Variants in COPE observed in about 807,000 individuals in gnomAD.
The protein encoded by COPE is coat protein complex I subunit epsilon.
In COPE, 19 loss-of-function variants were observed where a neutral mutation model predicts 42.1. The observed-to-expected ratio is 0.45, with a 90% CI of 0.31 to 0.66. The LOEUF (loss-of-function observed/expected upper bound fraction) is 0.66. Ranked by LOEUF, COPE falls within the 30% of genes least tolerant of loss-of-function variation. The pLI is 0.05. For missense variants in COPE, 402 were observed against 416.1 expected (o/e 0.97, Z 0.30); for synonymous variants, 195 against 181.3 (o/e 1.08, Z -0.60).
In COPE at chr19:18,907,087, G is replaced by C. The variant is rs373983247; in HGVS notation, c.316C>G (p.Arg106Gly). ...ACGTCCACGCTCCTGCTCATCTCTC[G>C]GTCCAGCTCGGCCACGATGCTGTCC... ...RRDSIVAELD[R>G]EMSRSVDVTN... Residue 106 changes from arginine (R) to glycine (G), a missense_variant, in exon 4 of 10, where the codon CGA becomes GGA. Arg to Gly is a moderately radical substitution (Grantham distance 125). Coordinates refer to ENST00000262812, the MANE Select transcript of COPE (RefSeq NM_007263.4). 2 of 1,611,852 alleles carry C rather than the reference G, an allele frequency of 1.2e-6. No homozygotes were observed. Among genetic ancestry groups the C allele is most frequent in the Non-Finnish European group, 1.7e-6 (2 of 1,179,532 alleles).
chr19:18,899,521 G>A lies in COPE; in HGVS notation c.*158C>T, dbSNP rs1422279313. 5.8e-6 allele frequency: 4 copies of A among 690,174 alleles called. No individual in the cohort carries two copies. Among genetic ancestry groups the A allele is most frequent in the Non-Finnish European group, 7.4e-6 (3 of 403,460 alleles). 42.8% of individuals were successfully genotyped at this position (690,174 alleles called of 1,614,324 possible). A position where few individuals can be genotyped will look rare whatever the true frequency, so the allele number is the denominator to read the frequency against. ...AGTGACCAGAGCACATCATCAGGTG[G>A]AACACCCTGGAGTTGAGATATTTAT... is the stretch of plus-strand genomic sequence containing the variant. On this transcript the variant is annotated 3_prime_UTR_variant, in exon 10 of 10. Coordinates refer to ENST00000262812, the MANE Select transcript of COPE (RefSeq NM_007263.4).
chr19:18,907,163 C>T, intron 3 of COPE, 51 bp from the exon 4 acceptor site: 2 of 1,578,962 alleles, frequency 1.3e-6, no homozygotes, highest in Non-Finnish European at 1.7e-6. Context: ...CTCTGTGGGA[C>T]CTCAGAGGGT....
At position 18,902,778 on chromosome 19, in the gene COPE, AAG is replaced by A. The variant is rs1568314883; in HGVS notation, c.735+488_735+489del. Among the ~76,000 whole-genome samples the A allele has an allele frequency of 2.2e-4, 11 of 49,844 alleles. 3 individuals are homozygous for A. The highest frequency in any genetic ancestry group is 2.1e-3 in the South Asian group (4 of 1,944). 32.7% of individuals were successfully genotyped at this position (49,844 alleles called of 152,430 possible). ...AAGGAAGGAAGGAAGGGAAAGAAGG[AAG>A]GAAGGAAGGAAGGAAGGAAGGAAGG... On this transcript the variant is annotated intron_variant, in intron 7 of 9. Coordinates refer to ENST00000262812, the MANE Select transcript of COPE (RefSeq NM_007263.4).
chr19:18,915,040 C>T lies in COPE; in HGVS notation c.127-1994G>A, dbSNP rs536524987. Among the ~76,000 whole-genome samples the T allele has an allele frequency of 2.0e-5, 3 of 152,094 alleles. No homozygotes were observed. The East Asian group carries it at 5.8e-4, about 30-fold the overall frequency. On this transcript the variant is annotated intron_variant, in intron 1 of 9. Coordinates refer to ENST00000262812, the MANE Select transcript of COPE (RefSeq NM_007263.4). ...CGTGCCCGGTCTGAGACCCTGTGTC[C>T]ATAAAAAAATTATAAATATTAGCCA...
At position 18,911,072 on chromosome 19, in the gene COPE, C is replaced by A; in HGVS notation, c.190-1G>T. ...CATCCAGGACCACACCGAACTTCCT[C>A]TGCAGTAGGGACGAGGCGTCAGCTG... On this transcript the variant is annotated splice_acceptor_variant, in intron 2 of 9. Coordinates refer to ENST00000262812, the MANE Select transcript of COPE (RefSeq NM_007263.4). LOFTEE classifies it high-confidence loss of function. 1 of 1,613,772 alleles carries A rather than the reference C, an allele frequency of 6.2e-7. No individual in the cohort carries two copies. The highest frequency in any genetic ancestry group is 1.7e-5 in the Admixed American group (1 of 60,014).
chr19:18,902,345 A>G (rs1372201513), intron 7 of COPE, among the ~76,000 whole-genome samples: 1 of 151,020 alleles, frequency 6.6e-6, no homozygotes, highest in Non-Finnish European at 1.5e-5. Flanking sequence ...TATATTTTTA[A>G]TTTAACATAA....
chr19:18,902,790 AAGGAAGG>A (rs2056719105), intron 7 of COPE, among the ~76,000 whole-genome samples: 4 of 70,624 alleles, frequency 5.7e-5, no homozygotes, highest in Admixed American at 1.4e-4. Context: ...GGAAGGAAGG[AAGGAAGG>A]AAGGAAGGAA....
intron 3 of COPE, among the ~76,000 whole-genome samples, chr19:18,909,518 CCT>C (rs1568319829): frequency 4.5e-5 from 5 of 110,422 alleles, no homozygotes; most frequent in East Asian, 2.1e-4. Flanking sequence ...GGGCCTCTTT[CCT>C]TTTTTTTTTT....
rs191122388 is a variant in COPE at position 18,911,415 on chromosome 19, G to A, written c.190-344C>T. ...AGCAGTTATGGGGGTTGTGACATGCGCTTCTATAAAGCAGGACATGCCCCC... is the reference window on the plus strand; with the variant it reads ...AGCAGTTATGGGGGTTGTGACATGCACTTCTATAAAGCAGGACATGCCCCC... On this transcript the variant is annotated intron_variant, in intron 2 of 9. Coordinates refer to ENST00000262812, the MANE Select transcript of COPE (RefSeq NM_007263.4). 108 of 294,128 alleles carry A rather than the reference G, an allele frequency of 3.7e-4. No homozygotes were observed. The Admixed American group carries it at 4.2e-3, about 11-fold the overall frequency. The allele number at this position is 294,128 out of a possible 1,614,324, so 18.2% of individuals were successfully genotyped here. A position where few individuals can be genotyped will look rare whatever the true frequency, so the allele number is the denominator to read the frequency against.
At chr19:18,909,685 A>G (rs2056793002) in intron 3 of COPE, among the ~76,000 whole-genome samples, 1 of 151,960 alleles carries the variant, frequency 6.6e-6, no homozygotes, top group African/African-American at 2.4e-5. Context: ...TTAATTCTGT[A>G]TTTTTAATAG....
chr19:18,905,451 C>A, intron 5 of COPE, 125 bp downstream of exon 5: 1 of 984,582 alleles, frequency 1.0e-6, no homozygotes, highest in Non-Finnish European at 1.4e-6. Flanking sequence ...CAGCAAGCCA[C>A]CCCCATGGAA....
At chr19:18,900,281 C>A in intron 8 of COPE, 100 bp downstream of exon 8, 1 of 992,314 alleles carries the variant, frequency 1.0e-6, no homozygotes, top group South Asian at 1.6e-5. Context: ...ATACTGTATA[C>A]AGAGTTTTCC....
intron 2 of COPE, among the ~76,000 whole-genome samples, chr19:18,911,793 C>G (rs1439340682): frequency 6.6e-6 from 1 of 151,670 alleles, no homozygotes; most frequent in Non-Finnish European, 1.5e-5. Context: ...ACCTTGTGAT[C>G]CACCCACCTT....
intron 1 of COPE, 149 bp downstream of exon 1, chr19:18,919,074 T>C: frequency 1.4e-6 from 1 of 728,596 alleles, no homozygotes; most frequent in Admixed American, 2.7e-5. Context: ...CACGGGACAG[T>C]GACTACTCCT....
rs953665198 is a variant in COPE at position 18,911,087 on chromosome 19, G to A, written c.190-16C>T. On this transcript the variant is annotated splice_polypyrimidine_tract_variant and intron_variant, in intron 2 of 9. Coordinates refer to ENST00000262812, the MANE Select transcript of COPE (RefSeq NM_007263.4). ...CGAACTTCCTCTGCAGTAGGGACGA[G>A]GCGTCAGCTGCACCCGTCCACCCCA... is the stretch of plus-strand genomic sequence containing the variant. The A allele has an allele frequency of 1.9e-6, 3 of 1,607,732 alleles. No homozygotes were observed. The African/African-American group carries it at 4.0e-5, about 22-fold the overall frequency.
rs191084534 is a variant in COPE at position 18,902,836 on chromosome 19, T to C, written c.735+432A>G. ...AGGAAGGAAGGAAGGAAGAAAAGAC[T>C]GCAGACATCAGGCAGGAGATGACTG... On this transcript the variant is annotated intron_variant, in intron 7 of 9. Coordinates refer to ENST00000262812, the MANE Select transcript of COPE (RefSeq NM_007263.4). Among the ~76,000 whole-genome samples the C allele has an allele frequency of 2.2e-3, 284 of 131,704 alleles. 35 individuals carry two copies. The highest frequency in any genetic ancestry group is 8.0e-3 in the African/African-American group (277 of 34,468). The allele number at this position is 131,704 out of a possible 152,430, so 86.4% of individuals were successfully genotyped here.
At chr19:18,905,688 T>C (rs2056752393) in intron 4 of COPE, 59 bp from the exon 5 acceptor site, 1 of 1,524,380 alleles carries the variant, frequency 6.6e-7, no homozygotes, top group South Asian at 1.2e-5. Context: ...GCATGGCCGC[T>C]CCACACCCAG....
intron 2 of COPE, among the ~76,000 whole-genome samples, chr19:18,911,740 G>C (rs1265810485): frequency 1.3e-5 from 2 of 151,578 alleles, no homozygotes; most frequent in Non-Finnish European, 1.5e-5. Context: ...TTTTAGTAGA[G>C]ACGGGGTTTC....
intron 1 of COPE, among the ~76,000 whole-genome samples, chr19:18,917,695 A>G (rs1365916444): frequency 6.6e-6 from 1 of 152,142 alleles, no homozygotes; most frequent in African/African-American, 2.4e-5. Flanking sequence ...GCAGCCAGAA[A>G]GAGGAGACAG....
Sources: gnomAD v4.1 joint callset for allele counts (sites outside exome capture counted in the v4.1 genomes callset) on GRCh38, gnomAD v4.1.1 for gene constraint, MANE v1.5 for transcripts, NCBI Gene and HGNC (gene_info 2026-07-23, HGNC 2026-07-21) for gene names.